CHN2: variants seen among roughly 807,000 people sequenced by gnomAD.
CHN2 encodes the protein chimerin 2.
CHN2 carries 35 observed loss-of-function variants against 56.3 expected under a neutral mutation model. The observed-to-expected ratio is 0.62, with a 90% CI of 0.47 to 0.82. The LOEUF is 0.82. Ranked by LOEUF, CHN2 falls within the 40% of genes least tolerant of loss-of-function variation. The pLI, the probability that CHN2 is intolerant of heterozygous loss-of-function variation, is 0.00. For synonymous variants in CHN2, 210 were observed against 212.8 expected (o/e 0.99, Z 0.12); for missense variants, 491 against 580.5 (o/e 0.85, Z 1.58).
intron 1 of CHN2, among the ~76,000 whole-genome samples, chr7:29,230,204 A>G (rs1262917756): frequency 6.6e-6 from 1 of 152,196 alleles, no homozygotes; most frequent in Admixed American, 6.5e-5. Context: ...GTTTTCTGGA[A>G]TGCTTGTATT....
chr7:29,454,772 C>T (rs1477867302), intron 6 of CHN2, among the ~76,000 whole-genome samples: 4 of 152,156 alleles, frequency 2.6e-5, no homozygotes, highest in African/African-American at 9.7e-5. Context: ...GCAGTCCTAC[C>T]ATGGCTACGT....
At chr7:29,371,181 G>A (rs1034124464) in intron 3 of CHN2, among the ~76,000 whole-genome samples, 8 of 152,186 alleles carry the variant, frequency 5.3e-5, no homozygotes, top group African/African-American at 1.9e-4. Flanking sequence ...CAGAGTCGAA[G>A]TGATGACAGT....
chr7:29,224,769 T>C (rs1786064107), intron 1 of CHN2, among the ~76,000 whole-genome samples: 1 of 152,202 alleles, frequency 6.6e-6, no homozygotes, highest in Non-Finnish European at 1.5e-5. Context: ...TATTCAAACA[T>C]GTTATATTTT....
At chr7:29,419,805 C>T (rs908527448) in intron 6 of CHN2, among the ~76,000 whole-genome samples, 5 of 152,078 alleles carry the variant, frequency 3.3e-5, no homozygotes, top group African/African-American at 4.8e-5. Context: ...TCACACCGGC[C>T]GGGTGCAGTG....
chr7:29,272,230 T>C (rs1790713491), intron 1 of CHN2, among the ~76,000 whole-genome samples: 1 of 152,158 alleles, frequency 6.6e-6, no homozygotes, highest in Non-Finnish European at 1.5e-5. Flanking sequence ...AGCATCTCAC[T>C]TCCCAGGTCT....
chr7:29,417,382 C>T (rs1238315539), intron 6 of CHN2, among the ~76,000 whole-genome samples: 1 of 141,860 alleles, frequency 7.0e-6, no homozygotes, highest in East Asian at 2.1e-4. Context: ...GTCCCCCAGG[C>T]TGGAGTGCAG....
At chr7:29,454,818 T>C (rs1435416111) in intron 6 of CHN2, among the ~76,000 whole-genome samples, 1 of 152,232 alleles carries the variant, frequency 6.6e-6, no homozygotes, top group Non-Finnish European at 1.5e-5. Flanking sequence ...CAGAAACGCA[T>C]GCTTAAAATG....
chr7:29,471,077 T>C (rs892247302), intron 6 of CHN2, among the ~76,000 whole-genome samples: 19 of 152,200 alleles, frequency 1.2e-4, no homozygotes, highest in African/African-American at 4.3e-4. Flanking sequence ...TTAAGGAGTT[T>C]GATTTAACAA....
intron 3 of CHN2, among the ~76,000 whole-genome samples, chr7:29,375,754 G>C (rs10269854): frequency 0.21 from 32,231 of 151,964 alleles, 3,899 homozygotes; most frequent in Middle Eastern, 0.29. Flanking sequence ...ACTGGCTTTT[G>C]TAACACCAAC....
intron 1 of CHN2, among the ~76,000 whole-genome samples, chr7:29,304,449 T>A (rs1350577149): frequency 1.3e-5 from 2 of 152,224 alleles, no homozygotes; most frequent in Non-Finnish European, 2.9e-5. Flanking sequence ...CATGAAACAA[T>A]GTAAAATGTA....
At chr7:29,150,067 T>C (rs1450705368) in intron 2 of CHN2, among the ~76,000 whole-genome samples, 1 of 152,238 alleles carries the variant, frequency 6.6e-6, no homozygotes, top group Non-Finnish European at 1.5e-5. Context: ...CCTTCTTTGA[T>C]TGGCTTTCCT....
upstream of CHN2, among the ~76,000 whole-genome samples, chr7:29,190,985 G>C (rs1055056531): frequency 6.6e-6 from 1 of 151,680 alleles, no homozygotes; most frequent in Non-Finnish European, 1.5e-5. Context: ...CCCAGGCTGG[G>C]GTGCAGTGGC....
In CHN2 at chr7:29,495,868, G is replaced by A. The variant is rs138659846; in HGVS notation, c.655-84G>A. On this transcript the variant is annotated intron_variant, in intron 7 of 12. Coordinates refer to ENST00000222792, the MANE Select transcript of CHN2 (RefSeq NM_004067.4). ...AAAAGCCCAGTGGGGGATCGCTCCTGCTGATCTTCATTGACATGTCTGAGG... is the reference window on the plus strand; with the variant it reads ...AAAAGCCCAGTGGGGGATCGCTCCTACTGATCTTCATTGACATGTCTGAGG... 9.3e-4 allele frequency: 1,048 copies of A among 1,127,204 alleles called. 3 individuals carry two copies. In the African/African-American group the frequency reaches 0.012, roughly 13 times the overall value. 69.8% of individuals were successfully genotyped at this position (1,127,204 alleles called of 1,614,324 possible). A position where few individuals can be genotyped will look rare whatever the true frequency, so the allele number is the denominator to read the frequency against.
chr7:29,437,334 C>A (rs1487830108), intron 6 of CHN2, among the ~76,000 whole-genome samples: 1 of 84,640 alleles, frequency 1.2e-5, no homozygotes, highest in Non-Finnish European at 2.4e-5. Context: ...CGCGGTGGCT[C>A]ACGCCTGTAA....
At chr7:29,288,517 CT>C (rs966388889) in intron 1 of CHN2, among the ~76,000 whole-genome samples, 16 of 152,204 alleles carry the variant, frequency 1.1e-4, no homozygotes, top group Middle Eastern at 3.4e-3. Flanking sequence ...TTTGTTTACT[CT>C]TTTTTTCCCC....
intron 6 of CHN2, among the ~76,000 whole-genome samples, chr7:29,407,033 G>T (rs182614552): frequency 1.3e-5 from 2 of 152,218 alleles, no homozygotes; most frequent in African/African-American, 4.8e-5. Flanking sequence ...AGCATCTCCC[G>T]CACCGTCTCT....
At chr7:29,474,297 T>C (rs1786406017) in intron 6 of CHN2, among the ~76,000 whole-genome samples, 1 of 152,252 alleles carries the variant, frequency 6.6e-6, no homozygotes, top group African/African-American at 2.4e-5. Flanking sequence ...CTATATTGAC[T>C]GTTTAGGCTT....
chr7:29,482,048 G>C (rs1787308036), intron 7 of CHN2, among the ~76,000 whole-genome samples: 1 of 152,098 alleles, frequency 6.6e-6, no homozygotes. Context: ...AAAACTAAAA[G>C]ATAATTAAAT....
At chr7:29,271,851 G>A (rs3812358) in intron 1 of CHN2, among the ~76,000 whole-genome samples, 20,381 of 152,128 alleles carry the variant, frequency 0.13, 1,523 homozygotes, top group Middle Eastern at 0.2. Flanking sequence ...CTGGAGGGCA[G>A]CGGGGGAGCA....
Sources: gnomAD v4.1 joint callset for allele counts (sites outside exome capture counted in the v4.1 genomes callset) on GRCh38, gnomAD v4.1.1 for gene constraint, MANE v1.5 for transcripts, NCBI Gene and HGNC (gene_info 2026-07-23, HGNC 2026-07-21) for gene names.